SEPTIN7: variants seen among roughly 807,000 people sequenced by gnomAD.
The protein encoded by SEPTIN7 is septin-7.
Under a neutral mutation model 63.3 loss-of-function variants are expected in SEPTIN7, and 10 were observed. The ratio of observed to expected loss-of-function variants is 0.16; its 90% CI spans 0.10 to 0.27. The LOEUF (loss-of-function observed/expected upper bound fraction) is 0.27. Ranked by LOEUF, SEPTIN7 falls within the 10% of genes least tolerant of loss-of-function variation. SEPTIN7 has a pLI of 1.00. For missense variants in SEPTIN7, 310 were observed against 521.0 expected (o/e 0.59, Z 3.94); for synonymous variants, 131 against 165.3 (o/e 0.79, Z 1.59).
rs368352285 is a variant in SEPTIN7, at chr7:35,849,288, A to G, written c.170-14264A>G. On this transcript the variant is annotated intron_variant, in intron 3 of 13. Coordinates refer to ENST00000350320, the MANE Select transcript of SEPTIN7 (RefSeq NM_001788.6). Reference sequence around the variant, plus strand: ...CCAGGGACTGGTTTCGTGGAAGACAATTTTTCTGCCAGGGTGTGTGTGTGT... The same window carrying G: ...CCAGGGACTGGTTTCGTGGAAGACAGTTTTTCTGCCAGGGTGTGTGTGTGT... Among the ~76,000 whole-genome samples, 14 of 152,002 alleles carry G rather than the reference A, an allele frequency of 9.2e-5. No individual in the cohort carries two copies. In the South Asian group the frequency reaches 1.0e-3, roughly 11 times the overall value.
intron 3 of SEPTIN7, among the ~76,000 whole-genome samples, chr7:35,840,200 CTCCCCCCTTTCCCCTCCCCCCT>C (rs1179541540): frequency 1.2e-5 from 1 of 80,626 alleles, no homozygotes; most frequent in African/African-American, 4.8e-5. Context: ...CCCCTTCCCC[CTCCCCCCTTTCCCCTCCCCCCT>C]TCCCCCCTTT....
chr7:35,805,637 A>C (rs1398654616), intron 1 of SEPTIN7, among the ~76,000 whole-genome samples: 1 of 152,182 alleles, frequency 6.6e-6, no homozygotes, highest in East Asian at 1.9e-4. Flanking sequence ...AAAATACTAT[A>C]CTTTGAAAGC....
At chr7:35,872,102 G>C (rs1786187768) in intron 4 of SEPTIN7, among the ~76,000 whole-genome samples, 1 of 152,084 alleles carries the variant, frequency 6.6e-6, no homozygotes, top group South Asian at 2.1e-4. Flanking sequence ...TTTGAGAAAA[G>C]GATTGGATCC....
chr7:35,868,090 G>T (rs1033165835), intron 4 of SEPTIN7, among the ~76,000 whole-genome samples: 4 of 151,948 alleles, frequency 2.6e-5, no homozygotes, highest in African/African-American at 7.3e-5. Context: ...GGCTGGTCTC[G>T]AACTCCCGAC....
intron 3 of SEPTIN7, among the ~76,000 whole-genome samples, chr7:35,840,441 TAAAAC>T (rs1430923536): frequency 2.0e-5 from 3 of 150,848 alleles, no homozygotes; most frequent in African/African-American, 4.9e-5. Context: ...AAAATAAAAA[TAAAAC>T]AAAATTTGTT....
intron 7 of SEPTIN7, among the ~76,000 whole-genome samples, chr7:35,881,545 G>A (rs1463430882): frequency 6.7e-6 from 1 of 150,086 alleles, no homozygotes; most frequent in Non-Finnish European, 1.5e-5. Flanking sequence ...TGTAAAAGAA[G>A]TGTGGTCCTA....
chr7:35,836,547 A>T (rs1562535359), intron 3 of SEPTIN7, among the ~76,000 whole-genome samples: 1 of 150,624 alleles, frequency 6.6e-6, no homozygotes, highest in African/African-American at 2.4e-5. Flanking sequence ...TGGCACTTCT[A>T]TTTTTTTTTC....
intron 3 of SEPTIN7, among the ~76,000 whole-genome samples, chr7:35,838,158 G>T (rs1177977973): frequency 6.6e-6 from 1 of 151,584 alleles, no homozygotes; most frequent in Non-Finnish European, 1.5e-5. Context: ...TTATTTTGTT[G>T]TTGGTAGGCA....
chr7:35,804,607 C>G (rs1295272970), intron 1 of SEPTIN7, among the ~76,000 whole-genome samples: 1 of 152,138 alleles, frequency 6.6e-6, no homozygotes, highest in Admixed American at 6.6e-5. Context: ...AATAGATACA[C>G]CAGTCAGAGT....
At chr7:35,832,637 A>G in intron 2 of SEPTIN7, 161 bp from the exon 3 acceptor site, 1 of 606,534 alleles carries the variant, frequency 1.6e-6, no homozygotes. Context: ...AATTTTGTCC[A>G]TTTAAGAATT....
At chr7:35,908,173 A>G (rs1325455242), downstream of SEPTIN7, among the ~76,000 whole-genome samples, 2 of 152,234 alleles carry the variant, frequency 1.3e-5, no homozygotes, top group African/African-American at 4.8e-5. Context: ...ATGGTTTATC[A>G]GAGTCTCTCA....
intron 3 of SEPTIN7, among the ~76,000 whole-genome samples, chr7:35,862,535 C>G (rs1264102940): frequency 2.6e-5 from 4 of 152,074 alleles, no homozygotes; most frequent in South Asian, 4.1e-4. Context: ...GTGGCCAACC[C>G]ATGTTACTTT....
At chr7:35,824,106 C>T (rs373277943) in intron 1 of SEPTIN7, among the ~76,000 whole-genome samples, 1 of 151,212 alleles carries the variant, frequency 6.6e-6, no homozygotes, top group Non-Finnish European at 1.5e-5. Flanking sequence ...AAAAAAATTG[C>T]TTATACTCAC....
intron 1 of SEPTIN7, among the ~76,000 whole-genome samples, chr7:35,805,108 C>CTGA (rs1788248282): frequency 6.6e-6 from 1 of 152,156 alleles, no homozygotes; most frequent in Non-Finnish European, 1.5e-5. Flanking sequence ...TCTGGAACTC[C>CTGA]TGACCTCAAG....
At chr7:35,859,569 C>A (rs1470399680) in intron 3 of SEPTIN7, among the ~76,000 whole-genome samples, 1 of 152,174 alleles carries the variant, frequency 6.6e-6, no homozygotes, top group Non-Finnish European at 1.5e-5. Context: ...GTTGTTCCGT[C>A]CGTTATTGAA....
intron 4 of SEPTIN7, among the ~76,000 whole-genome samples, chr7:35,865,533 T>G (rs1344934541): frequency 4.6e-5 from 7 of 152,188 alleles, no homozygotes; most frequent in Admixed American, 1.3e-4. Context: ...ATTGTTTATT[T>G]TAGATAAGCC....
chr7:35,852,725 C>T (rs1785018932), intron 3 of SEPTIN7, among the ~76,000 whole-genome samples: 1 of 152,054 alleles, frequency 6.6e-6, no homozygotes, highest in South Asian at 2.1e-4. Flanking sequence ...TTGGTAACCT[C>T]TGTGTCACGA....
At chr7:35,834,731 G>A (rs2115906838) in intron 3 of SEPTIN7, among the ~76,000 whole-genome samples, 1 of 152,182 alleles carries the variant, frequency 6.6e-6, no homozygotes, top group Middle Eastern at 3.4e-3. Flanking sequence ...TAATCACTTA[G>A]TATCTAATAT....
intron 1 of SEPTIN7, among the ~76,000 whole-genome samples, chr7:35,816,953 G>A (rs1789104867): frequency 6.6e-6 from 1 of 151,196 alleles, no homozygotes; most frequent in Non-Finnish European, 1.5e-5. Flanking sequence ...ATAGATTCTG[G>A]ATATAAGTCC....
Sources: allele counts gnomAD v4.1 joint callset (sites outside exome capture counted in the v4.1 genomes callset), GRCh38; gene constraint gnomAD v4.1.1; transcripts MANE v1.5; gene names NCBI Gene and HGNC (gene_info 2026-07-23, HGNC 2026-07-21).